Variants in CFAP47 observed in about 807,000 individuals in gnomAD.
CFAP47 encodes the protein cilia- and flagella-associated protein 47.
A neutral mutation model predicts 148.1 loss-of-function variants in CFAP47; 29 were observed. That is an observed-to-expected ratio of 0.20 (90% CI 0.15 to 0.27). CFAP47 has a LOEUF of 0.27. Among genes scored for constraint, CFAP47 ranks in the 10% least tolerant of loss-of-function variants. CFAP47 has a pLI of 1.00. For missense variants in CFAP47, 1,872 were observed against 1,697.5 expected (o/e 1.10, Z -1.81); for synonymous variants, 664 against 577.3 (o/e 1.15, Z -2.15).
intron 57 of CFAP47, among the ~76,000 whole-genome samples, chrX:36,331,395 T>C (rs1189435366): frequency 9.0e-6 from 1 of 111,422 alleles, no homozygotes; most frequent in Non-Finnish European, 1.9e-5. Context: ...TTCCTGGTCA[T>C]TTATTGCAGG....
chrX:36,340,623 A>G (rs1249041197), intron 57 of CFAP47, among the ~76,000 whole-genome samples: 4 of 111,369 alleles, frequency 3.6e-5, no homozygotes, highest in African/African-American at 1.3e-4. Context: ...AGCCCACACT[A>G]ATAACCTAAT....
At chrX:36,153,819 A>G (rs1234274303) in intron 37 of CFAP47, among the ~76,000 whole-genome samples, 2 of 111,925 alleles carry the variant, frequency 1.8e-5, no homozygotes, top group Admixed American at 1.9e-4. Flanking sequence ...GCCAAGGAGC[A>G]TGATACTGGA....
intron 39 of CFAP47, among the ~76,000 whole-genome samples, chrX:36,163,702 C>G (rs865900390): frequency 5.4e-5 from 6 of 110,894 alleles, no homozygotes; most frequent in African/African-American, 2.0e-4. Flanking sequence ...GTCTGCCTCC[C>G]GGTTTCAAGT....
chrX:36,123,450 A>G lies in CFAP47; in HGVS notation c.5321-14508A>G, dbSNP rs771444593. ...AGGGACTAAAGTCAAAAACCTTTATAGTCTACCTGGTGTCCTATTGTATTG... is the reference window on the plus strand; with the variant it reads ...AGGGACTAAAGTCAAAAACCTTTATGGTCTACCTGGTGTCCTATTGTATTG... On this transcript the variant is annotated intron_variant, in intron 33 of 63. Coordinates refer to ENST00000378653, the MANE Select transcript of CFAP47 (RefSeq NM_001304548.2). Among the ~76,000 whole-genome samples, 11 of 112,019 alleles carry G rather than the reference A, an allele frequency of 9.8e-5. No homozygotes were observed. The East Asian group carries it at 2.3e-3, about 23-fold the overall frequency.
chrX:36,231,542 A>G (rs1484818606), intron 46 of CFAP47, among the ~76,000 whole-genome samples: 2 of 111,251 alleles, frequency 1.8e-5, no homozygotes, highest in Non-Finnish European at 3.8e-5. Context: ...TACGTATACA[A>G]TCATGTCATC....
chrX:36,371,003 G>A (rs1240874416), intron 62 of CFAP47, among the ~76,000 whole-genome samples: 1 of 110,686 alleles, frequency 9.0e-6, no homozygotes, highest in Non-Finnish European at 1.9e-5. Flanking sequence ...GTGTATCCAG[G>A]GGTAATTTTA....
intron 21 of CFAP47, among the ~76,000 whole-genome samples, chrX:36,007,266 G>T (rs1485747946): frequency 3.6e-5 from 4 of 112,034 alleles, no homozygotes; most frequent in Non-Finnish European, 1.9e-5. Context: ...GATTATTCTA[G>T]ATTTACAATC....
At chrX:36,105,704 A>G (rs989678848) in intron 33 of CFAP47, among the ~76,000 whole-genome samples, 2 of 112,350 alleles carry the variant, frequency 1.8e-5, no homozygotes, top group East Asian at 2.8e-4. Context: ...AATACAAAAC[A>G]AAGTACAAAT....
intron 29 of CFAP47, among the ~76,000 whole-genome samples, chrX:36,081,217 ACT>A (rs2146772091): frequency 8.9e-6 from 1 of 111,953 alleles, no homozygotes. Context: ...GTTTATGAAC[ACT>A]TCGGTGCACA....
At chrX:35,925,956 T>A in intron 1 of CFAP47, 61 bp from the exon 2 acceptor site, 1 of 978,749 alleles carries the variant, frequency 1.0e-6, no homozygotes, top group Non-Finnish European at 1.4e-6. Context: ...TGCCCAGCCA[T>A]GGTATTTTTT....
chrX:36,279,354 A>T (rs1556003206), intron 49 of CFAP47, among the ~76,000 whole-genome samples: 2 of 112,459 alleles, frequency 1.8e-5, no homozygotes, highest in African/African-American at 6.5e-5. Flanking sequence ...ATTAAAAAAA[A>T]TTCAGGAAGA....
intron 36 of CFAP47, 127 bp from the exon 37 acceptor site, chrX:36,148,981 T>A: frequency 4.1e-6 from 1 of 244,144 alleles, no homozygotes; most frequent in East Asian, 6.0e-5. Flanking sequence ...GTCCAGTTGG[T>A]GTTCATTATA....
At chrX:36,171,929 A>T (rs1194858352) in intron 39 of CFAP47, among the ~76,000 whole-genome samples, 75 of 109,520 alleles carry the variant, frequency 6.8e-4, no homozygotes, top group African/African-American at 2.4e-3. Context: ...CCTACCCATG[A>T]GCATGGAATG....
rs772382076 is a variant in CFAP47 at position 36,085,434 on chromosome X, A to T, written c.4812A>T (p.Lys1604Asn). ...ATGTGCTGCTCCATTTGAGTGGAAA[A>T]ATGCCACCTGGAATTAATTCAAGTC... Reference protein sequence around the residue: ...IYDVLLHLSGKMPPGINSSQS... With the variant: ...IYDVLLHLSGNMPPGINSSQS... The change falls in exon 30 of 64, where the codon AAA becomes AAT. Residue 1604 changes from lysine (K) to asparagine (N), a missense_variant. Physicochemically the swap from Lys to Asn is moderately conservative, Grantham distance 94 (BLOSUM62 0). Transcript: ENST00000378653. 8.3e-7 allele frequency: 1 copy of T among 1,204,715 alleles called. No individual in the cohort carries two copies. Among genetic ancestry groups the T allele is most frequent in the East Asian group, 3.0e-5 (1 of 33,714 alleles).
intron 1 of CFAP47, among the ~76,000 whole-genome samples, chrX:35,924,271 G>A (rs190594396): frequency 1.2e-4 from 12 of 100,066 alleles, no homozygotes; most frequent in South Asian, 8.0e-4. Flanking sequence ...ATGTGTACAT[G>A]TATGTGTATA....
chrX:36,295,807 G>T lies in CFAP47; in HGVS notation c.7687-3170G>T, dbSNP rs782511859. 3.6e-5 allele frequency among the ~76,000 whole-genome samples: 4 copies of T among 111,703 alleles called. No homozygotes were observed. The Admixed American group carries it at 3.8e-4, about 11-fold the overall frequency. ...GATTTTTTTCTGTTTAAACCTAGAA[G>T]AAAATAATATCCAAACAATAATGTA... On this transcript the variant is annotated intron_variant, in intron 51 of 63. Coordinates refer to ENST00000378653, the MANE Select transcript of CFAP47 (RefSeq NM_001304548.2).
rs1458284906 is a variant in CFAP47 at position 36,371,864 on chromosome X, A to G, written c.9185+4737A>G. On this transcript the variant is annotated intron_variant, in intron 62 of 63. Transcript: ENST00000378653. ...TATGTGTGTATATATGTGTGCATAT[A>G]CACACATGTGTATATATGTGTGCAT... Among the ~76,000 whole-genome samples the G allele has an allele frequency of 7.4e-5, 6 of 80,957 alleles. 1 individual carries two copies. Among genetic ancestry groups the G allele is most frequent in the African/African-American group, 9.8e-5 (2 of 20,398 alleles). The allele number at this position is 80,957 out of a possible 115,157, so 70.3% of individuals were successfully genotyped here. A position where few individuals can be genotyped will look rare whatever the true frequency, so the allele number is the denominator to read the frequency against.
At chrX:35,923,890 T>G (rs944939529) in intron 1 of CFAP47, among the ~76,000 whole-genome samples, 1 of 88,463 alleles carries the variant, frequency 1.1e-5, no homozygotes, top group Non-Finnish European at 2.0e-5. Flanking sequence ...TGTACATATA[T>G]ATGTGTATAT....
intron 30 of CFAP47, among the ~76,000 whole-genome samples, chrX:36,096,637 CT>C (rs1026635440): frequency 5.7e-4 from 62 of 109,629 alleles, no homozygotes; most frequent in Non-Finnish European, 9.6e-4. Flanking sequence ...TTGAAATCTA[CT>C]TTTTTTTGAT....
Sources: allele counts gnomAD v4.1 joint callset (sites outside exome capture counted in the v4.1 genomes callset), GRCh38; gene constraint gnomAD v4.1.1; transcripts MANE v1.5; gene names NCBI Gene and HGNC (gene_info 2026-07-23, HGNC 2026-07-21).